Variants in NLGN1 observed in about 807,000 individuals in gnomAD.
NLGN1 encodes the protein neuroligin 1, also known as neuroligin-1.
NLGN1 carries 12 observed loss-of-function variants against 65.5 expected under a neutral mutation model. That is an observed-to-expected ratio of 0.18 (90% confidence interval 0.12 to 0.30). The LOEUF (loss-of-function observed/expected upper bound fraction) is 0.30. Ranked by LOEUF, NLGN1 falls within the 10% of genes least tolerant of loss-of-function variation. NLGN1 has a pLI of 1.00. For synonymous variants in NLGN1, 350 were observed against 359.5 expected (o/e 0.97, Z 0.30); for missense variants, 750 against 1,007.1 (o/e 0.74, Z 3.46).
At chr3:174,269,381 T>A (rs1209580325) in intron 4 of NLGN1, among the ~76,000 whole-genome samples, 1 of 151,998 alleles carries the variant, frequency 6.6e-6, no homozygotes, top group Non-Finnish European at 1.5e-5. Context: ...CTAATATCTG[T>A]TTCTATGATT....
At chr3:173,733,337 T>C (rs2150067119) in intron 3 of NLGN1, among the ~76,000 whole-genome samples, 1 of 152,300 alleles carries the variant, frequency 6.6e-6, no homozygotes, top group South Asian at 2.1e-4. Context: ...AATTACATTT[T>C]AGAAGGAAAA....
intron 4 of NLGN1, among the ~76,000 whole-genome samples, chr3:173,982,741 G>A (rs1234148390): frequency 6.6e-6 from 1 of 152,186 alleles, no homozygotes; most frequent in Non-Finnish European, 1.5e-5. Flanking sequence ...GTGAGTTTCA[G>A]TGAAGACAGT....
chr3:173,963,792 C>T (rs565368411), intron 4 of NLGN1, among the ~76,000 whole-genome samples: 2 of 152,278 alleles, frequency 1.3e-5, no homozygotes, highest in South Asian at 2.1e-4. Flanking sequence ...GCCAATTAGT[C>T]AGCTACAGAC....
chr3:174,072,656 G>C (rs1055865789), intron 4 of NLGN1, among the ~76,000 whole-genome samples: 1 of 152,154 alleles, frequency 6.6e-6, no homozygotes, highest in East Asian at 1.9e-4. Context: ...AAAGCTTGCA[G>C]TCCAGAGCAG....
At chr3:174,107,033 G>C (rs944953057) in intron 4 of NLGN1, among the ~76,000 whole-genome samples, 37 of 151,018 alleles carry the variant, frequency 2.5e-4, no homozygotes, top group African/African-American at 7.6e-4. Flanking sequence ...GAGAGAGAGA[G>C]AGAGAGAGAG....
intron 4 of NLGN1, among the ~76,000 whole-genome samples, chr3:174,145,530 A>T (rs1287124862): frequency 6.6e-6 from 1 of 152,062 alleles, no homozygotes; most frequent in East Asian, 1.9e-4. Context: ...GAAAAAGAAA[A>T]AAAACAGATA....
chr3:173,907,198 C>T (rs1291450564), intron 4 of NLGN1, among the ~76,000 whole-genome samples: 5 of 152,158 alleles, frequency 3.3e-5, no homozygotes, highest in Non-Finnish European at 7.3e-5. Context: ...TATAAAGAAA[C>T]GCCACCACCA....
intron 3 of NLGN1, among the ~76,000 whole-genome samples, chr3:173,767,324 T>C (rs1332906029): frequency 2.0e-5 from 3 of 152,052 alleles, no homozygotes; most frequent in African/African-American, 7.2e-5. Flanking sequence ...TGACACAAAA[T>C]TGGTGTCTGA....
chr3:173,584,477 A>G (rs1228985434), intron 2 of NLGN1: 2 of 148,324 alleles, frequency 1.3e-5, no homozygotes, highest in Non-Finnish European at 3.0e-5. Flanking sequence ...TTAAAAAAGA[A>G]AGAAAGAAAG....
intron 3 of NLGN1, among the ~76,000 whole-genome samples, chr3:173,625,802 A>G (rs1447513657): frequency 1.3e-5 from 2 of 152,154 alleles, no homozygotes; most frequent in African/African-American, 2.4e-5. Flanking sequence ...TATGTAGTCT[A>G]TAGATACAAA....
chr3:173,473,142 A>C (rs1054622106), intron 2 of NLGN1, among the ~76,000 whole-genome samples: 1 of 152,210 alleles, frequency 6.6e-6, no homozygotes, highest in Non-Finnish European at 1.5e-5. Flanking sequence ...GAAATCCCAC[A>C]TAAGTCCATT....
intron 4 of NLGN1, among the ~76,000 whole-genome samples, chr3:173,936,312 T>C (rs1280768491): frequency 2.6e-5 from 4 of 152,058 alleles, no homozygotes; most frequent in African/African-American, 9.6e-5. Context: ...CCTACACTTC[T>C]TCATAAGTAC....
chr3:174,259,841 C>A (rs1377818499), intron 4 of NLGN1, among the ~76,000 whole-genome samples: 3 of 129,578 alleles, frequency 2.3e-5, no homozygotes, highest in Admixed American at 8.2e-5. Context: ...CCCCTCCCCC[C>A]ACCCCACCAC....
chr3:173,996,567 A>G (rs924195705), intron 4 of NLGN1, among the ~76,000 whole-genome samples: 2 of 152,202 alleles, frequency 1.3e-5, no homozygotes, highest in Admixed American at 6.5e-5. Flanking sequence ...TTAAAGTCTT[A>G]GTTGTAACCA....
At chr3:174,290,216 T>G (rs1752610004), downstream of NLGN1, among the ~76,000 whole-genome samples, 1 of 150,938 alleles carries the variant, frequency 6.6e-6, no homozygotes, top group African/African-American at 2.4e-5. Context: ...AAAGACTTTG[T>G]CTACCGTATT....
intron 2 of NLGN1, among the ~76,000 whole-genome samples, chr3:173,546,354 A>T (rs1252711288): frequency 6.6e-6 from 1 of 152,136 alleles, no homozygotes; most frequent in Non-Finnish European, 1.5e-5. Flanking sequence ...CCGTACCGTG[A>T]ACCATCTATA....
At chr3:173,688,126 C>G (rs1411415707) in intron 3 of NLGN1, among the ~76,000 whole-genome samples, 1 of 152,114 alleles carries the variant, frequency 6.6e-6, no homozygotes, top group East Asian at 1.9e-4. Flanking sequence ...TGGTCATGTG[C>G]CTTTTCAAAG....
intron 4 of NLGN1, among the ~76,000 whole-genome samples, chr3:173,958,649 G>A (rs188896963): frequency 6.6e-6 from 1 of 152,164 alleles, no homozygotes; most frequent in Non-Finnish European, 1.5e-5. Flanking sequence ...TCCCACTCTG[G>A]TCTGTGAGAC....
At chr3:173,729,818 T>C (rs1010850230) in intron 3 of NLGN1, among the ~76,000 whole-genome samples, 3 of 152,192 alleles carry the variant, frequency 2.0e-5, no homozygotes, top group East Asian at 1.9e-4. Context: ...ACATTGGTGG[T>C]TCTGTAATCC....
Sources: allele counts gnomAD v4.1 joint callset (sites outside exome capture counted in the v4.1 genomes callset), GRCh38; gene constraint gnomAD v4.1.1; transcripts MANE v1.5; gene names NCBI Gene and HGNC (gene_info 2026-07-23, HGNC 2026-07-21).